The following SLC4A5 variants were observed in gnomAD, a reference collection of about 807,000 sequenced individuals.
The protein encoded by SLC4A5 is solute carrier family 4 member 5.
In SLC4A5, 96 loss-of-function variants were observed where a neutral mutation model predicts 120.4. That is an observed-to-expected ratio of 0.80 (90% confidence interval 0.68 to 0.94). The LOEUF is 0.94. Among genes scored for constraint, SLC4A5 ranks in the 40% least tolerant of loss-of-function variants. SLC4A5 has a pLI of 0.00. For synonymous variants in SLC4A5, 550 were observed against 571.1 expected (o/e 0.96, Z 0.53); for missense variants, 1,259 against 1,459.5 (o/e 0.86, Z 2.24).
chr2:74,333,711 C>T (rs1673420970), intron 4 of SLC4A5, among the ~76,000 whole-genome samples: 1 of 152,136 alleles, frequency 6.6e-6, no homozygotes, highest in South Asian at 2.1e-4. Flanking sequence ...GACTGTTTGA[C>T]CTCTGTGCCT....
chr2:74,277,163 G>A (rs1671670127), intron 8 of SLC4A5, among the ~76,000 whole-genome samples: 1 of 152,140 alleles, frequency 6.6e-6, no homozygotes, highest in Admixed American at 6.6e-5. Flanking sequence ...CTCCCCTTGG[G>A]CATCGCAAAC....
chr2:74,289,701 T>C (rs1022457516), intron 7 of SLC4A5, among the ~76,000 whole-genome samples: 10 of 152,184 alleles, frequency 6.6e-5, no homozygotes, highest in African/African-American at 1.7e-4. Context: ...AGAAATTTTA[T>C]AGACAAAAAA....
chr2:74,243,960 G>A (rs1670526917), intron 19 of SLC4A5, among the ~76,000 whole-genome samples: 1 of 152,146 alleles, frequency 6.6e-6, no homozygotes, highest in African/African-American at 2.4e-5. Context: ...GAAAGAGAGT[G>A]CCCCCAAACA....
intron 19 of SLC4A5, 51 bp downstream of exon 19, chr2:74,246,985 G>A (rs1410648822): frequency 6.3e-7 from 1 of 1,594,258 alleles, no homozygotes; most frequent in Non-Finnish European, 8.5e-7. Flanking sequence ...AAGGATCAGG[G>A]GGCCGGTGGG....
intron 6 of SLC4A5, among the ~76,000 whole-genome samples, chr2:74,306,348 A>T (rs1426702448): frequency 1.3e-5 from 2 of 148,980 alleles, no homozygotes; most frequent in Non-Finnish European, 2.9e-5. Context: ...AGACATTCCA[A>T]CACCACCAAA....
At chr2:74,304,828 G>T in intron 6 of SLC4A5, 148 bp from the exon 7 acceptor site, 1 of 732,436 alleles carries the variant, frequency 1.4e-6, no homozygotes, top group East Asian at 2.8e-5. Flanking sequence ...CTGAGGCTTG[G>T]GTTTGACCAA....
At chr2:74,219,196 TG>T (rs1694540442) in intron 30 of SLC4A5, among the ~76,000 whole-genome samples, 2 of 121,540 alleles carry the variant, frequency 1.6e-5, no homozygotes, top group Non-Finnish European at 3.4e-5. Flanking sequence ...TGTGTGTGTG[TG>T]TGTGTGTGTG....
At chr2:74,235,180 A>G (rs374301114) in exon 22 of SLC4A5, 65 of 1,613,994 alleles carry the variant, frequency 4.0e-5, no homozygotes, top group African/African-American at 1.1e-4. Flanking sequence ...CAGGATGGAG[A>G]AAACAATGGA....
intron 17 of SLC4A5, 70 bp from the exon 18 acceptor site, chr2:74,248,556 C>T: frequency 1.9e-6 from 3 of 1,573,910 alleles, no homozygotes; most frequent in Non-Finnish European, 2.6e-6. Flanking sequence ...GCTGCAGCCC[C>T]AGCGATCTCT....
At chr2:74,306,454 A>G (rs933525400) in intron 6 of SLC4A5, among the ~76,000 whole-genome samples, 1 of 152,190 alleles carries the variant, frequency 6.6e-6, no homozygotes, top group Non-Finnish European at 1.5e-5. Flanking sequence ...CTTCTGACCC[A>G]AATCGGCCAG....
At chr2:74,248,328 C>A in intron 18 of SLC4A5, 25 bp downstream of exon 18, 1 of 1,612,376 alleles carries the variant, frequency 6.2e-7, no homozygotes, top group Non-Finnish European at 8.5e-7. Flanking sequence ...AGAGCAGGCA[C>A]TGGGGGCCAC....
intron 20 of SLC4A5, 67 bp downstream of exon 20, chr2:74,241,927 A>C: frequency 6.6e-7 from 1 of 1,518,612 alleles, no homozygotes; most frequent in Non-Finnish European, 9.0e-7. Context: ...CTCATTTCCA[A>C]AATCTTTTCT....
chr2:74,313,029 T>A (rs1487320581), intron 6 of SLC4A5, among the ~76,000 whole-genome samples: 1 of 150,902 alleles, frequency 6.6e-6, no homozygotes, highest in Non-Finnish European at 1.5e-5. Context: ...TTTTTTTTTT[T>A]AATCTTCCCC....
At chr2:74,254,514 A>C in intron 14 of SLC4A5, 105 bp downstream of exon 14, 2 of 842,928 alleles carry the variant, frequency 2.4e-6, no homozygotes, top group Non-Finnish European at 4.1e-6. Flanking sequence ...CCTGGTACAC[A>C]GTAGGTGCTC....
chr2:74,306,857 G>C (rs1573085016), intron 6 of SLC4A5: 3 of 642,116 alleles, frequency 4.7e-6, no homozygotes, highest in Non-Finnish European at 8.5e-6. Context: ...TGAAGTCCTT[G>C]CCATCTTCCA....
chr2:74,258,302 C>T (rs747394356), intron 12 of SLC4A5, among the ~76,000 whole-genome samples: 2 of 152,192 alleles, frequency 1.3e-5, no homozygotes, highest in Non-Finnish European at 2.9e-5. Context: ...CTGCAAATAC[C>T]GAGAAGCAGC....
chr2:74,321,000 G>C (rs937045401), intron 5 of SLC4A5, among the ~76,000 whole-genome samples: 2 of 152,182 alleles, frequency 1.3e-5, no homozygotes, highest in Admixed American at 1.3e-4. Context: ...AACAGCAATA[G>C]AAACAGGGTT....
At chr2:74,307,247 A>G (rs59042787) in intron 6 of SLC4A5, 90,681 of 515,106 alleles carry the variant, frequency 0.18, 12,028 homozygotes, top group East Asian at 0.5. Flanking sequence ...GAGGCAGCTA[A>G]TCATATTGGG....
chr2:74,307,400 A>G, intron 6 of SLC4A5: 2 of 634,818 alleles, frequency 3.2e-6, no homozygotes, highest in East Asian at 7.4e-5. Context: ...GCTCCTCGAG[A>G]GCCTCGATCT....
Sources: gnomAD v4.1 joint callset for allele counts (sites outside exome capture counted in the v4.1 genomes callset) on GRCh38, gnomAD v4.1.1 for gene constraint, MANE v1.5 for transcripts, NCBI Gene and HGNC (gene_info 2026-07-23, HGNC 2026-07-21) for gene names.